DSCAM: variants seen among roughly 807,000 people sequenced by gnomAD.
The protein encoded by DSCAM is DS cell adhesion molecule.
DSCAM carries 47 observed loss-of-function variants against 217.7 expected under a neutral mutation model. That is an observed-to-expected ratio of 0.22 (90% CI 0.17 to 0.28). The LOEUF (loss-of-function observed/expected upper bound fraction) is 0.28, where lower values mean the gene tolerates loss of function less well. Among genes scored for constraint, DSCAM ranks in the 10% least tolerant of loss-of-function variants. The pLI is 1.00. For synonymous variants in DSCAM, 1,056 were observed against 1,015.3 expected, an observed-to-expected ratio of 1.04 and a Z score of -0.76; for missense variants, 2,080 against 2,618.3, an observed-to-expected ratio of 0.79 and a Z score of 4.49.
chr21:40,217,652 T>G (rs1014909539), intron 11 of DSCAM, among the ~76,000 whole-genome samples: 1 of 152,166 alleles, frequency 6.6e-6, no homozygotes, highest in Non-Finnish European at 1.5e-5. Context: ...CTCCACAACC[T>G]CTCCAGCATG....
In DSCAM at chr21:40,611,193, G is replaced by A. The variant is rs1052839380; in HGVS notation, c.508+81617C>T. Reference sequence around the variant, plus strand: ...CCTGCCTCAGCCTCCCGGGTAGCTGGGACTACAGGTGCACGCCTCCACCCA... The same window carrying A: ...CCTGCCTCAGCCTCCCGGGTAGCTGAGACTACAGGTGCACGCCTCCACCCA... On this transcript the variant is annotated intron_variant, in intron 3 of 32. Coordinates refer to ENST00000400454, the MANE Select transcript of DSCAM (RefSeq NM_001389.5). 2.0e-5 allele frequency among the ~76,000 whole-genome samples: 3 copies of A among 151,306 alleles called. 1 individual carries two copies. In the South Asian group the frequency reaches 6.3e-4, roughly 32 times the overall value.
At chr21:40,273,871 C>T (rs2073652597) in intron 11 of DSCAM, among the ~76,000 whole-genome samples, 1 of 152,150 alleles carries the variant, frequency 6.6e-6, no homozygotes, top group South Asian at 2.1e-4. Context: ...AATTCCATCC[C>T]TGAGGGCTCC....
chr21:40,829,119 C>T (rs553266268), intron 1 of DSCAM, among the ~76,000 whole-genome samples: 1 of 152,270 alleles, frequency 6.6e-6, no homozygotes, highest in East Asian at 1.9e-4. Context: ...ATAACTGAAT[C>T]CCCCATCATC....
chr21:40,479,078 G>A (rs899064668), intron 3 of DSCAM, among the ~76,000 whole-genome samples: 2 of 152,166 alleles, frequency 1.3e-5, no homozygotes, highest in African/African-American at 4.8e-5. Flanking sequence ...AAGAACAGAA[G>A]CCCACCTATG....
intron 12 of DSCAM, 33 bp downstream of exon 12, chr21:40,189,009 C>T: frequency 6.2e-7 from 1 of 1,602,190 alleles, no homozygotes; most frequent in Non-Finnish European, 8.5e-7. Flanking sequence ...CAATAAAGTT[C>T]ATTCCATTGT....
At chr21:40,061,350 C>T (rs780881151) in intron 28 of DSCAM, among the ~76,000 whole-genome samples, 3 of 152,110 alleles carry the variant, frequency 2.0e-5, no homozygotes, top group Non-Finnish European at 4.4e-5. Context: ...GGGAGAATTG[C>T]CTCAGGTCAG....
chr21:40,208,553 C>G (rs2074116761), intron 11 of DSCAM, among the ~76,000 whole-genome samples: 1 of 152,196 alleles, frequency 6.6e-6, no homozygotes, highest in African/African-American at 2.4e-5. Context: ...TCATTGTTTT[C>G]CCCAAGGATC....
At chr21:40,747,161 AAAG>A (rs924739503) in intron 1 of DSCAM, among the ~76,000 whole-genome samples, 35 of 151,866 alleles carry the variant, frequency 2.3e-4, no homozygotes, top group African/African-American at 7.5e-4. Flanking sequence ...AGAAATTAGA[AAAG>A]AAGGACAAAC....
intron 3 of DSCAM, among the ~76,000 whole-genome samples, chr21:40,427,427 G>A (rs1186957582): frequency 6.6e-6 from 1 of 152,188 alleles, no homozygotes; most frequent in Non-Finnish European, 1.5e-5. Context: ...TTGTTACCAT[G>A]AACCAGAATT....
At chr21:40,745,041 G>A (rs973541292) in intron 1 of DSCAM, among the ~76,000 whole-genome samples, 2 of 151,994 alleles carry the variant, frequency 1.3e-5, no homozygotes, top group African/African-American at 2.4e-5. Flanking sequence ...AAGCTTATTC[G>A]AAATCTTCAA....
chr21:40,666,321 A>G (rs2090198967), intron 3 of DSCAM, among the ~76,000 whole-genome samples: 1 of 152,060 alleles, frequency 6.6e-6, no homozygotes, highest in Non-Finnish European at 1.5e-5. Flanking sequence ...CCTTAAAACA[A>G]CCCTATGAGC....
chr21:40,107,157 T>C (rs1430369548), intron 20 of DSCAM, among the ~76,000 whole-genome samples: 1 of 152,240 alleles, frequency 6.6e-6, no homozygotes, highest in Non-Finnish European at 1.5e-5. Context: ...TCTCAGAGAT[T>C]CTGGTACATT....
At chr21:40,488,934 A>T (rs1015790683) in intron 3 of DSCAM, among the ~76,000 whole-genome samples, 1 of 152,218 alleles carries the variant, frequency 6.6e-6, no homozygotes, top group Non-Finnish European at 1.5e-5. Flanking sequence ...AAAGAATATT[A>T]TAGGAGATTC....
chr21:40,617,196 T>A lies in DSCAM; in HGVS notation c.508+75614A>T, dbSNP rs2089412314. Among the ~76,000 whole-genome samples, 4 of 137,524 alleles carry A rather than the reference T, an allele frequency of 2.9e-5. No individual in the cohort carries two copies. In the South Asian group the frequency reaches 1.1e-3, roughly 37 times the overall value. The allele number at this position is 137,524 out of a possible 152,430, so 90.2% of individuals were successfully genotyped here. A position where few individuals can be genotyped will look rare whatever the true frequency, so the allele number is the denominator to read the frequency against. On this transcript the variant is annotated intron_variant, in intron 3 of 32. Coordinates refer to ENST00000400454, the MANE Select transcript of DSCAM (RefSeq NM_001389.5). Reference sequence around the variant, plus strand: ...TGGAGTGCAGTGGTGCAATCTCGGCTCACTGCAAGCTCCCCCTCCCAGGTT... The same window carrying A: ...TGGAGTGCAGTGGTGCAATCTCGGCACACTGCAAGCTCCCCCTCCCAGGTT...
chr21:40,688,035 A>G (rs2090500843), intron 3 of DSCAM, among the ~76,000 whole-genome samples: 1 of 152,332 alleles, frequency 6.6e-6, no homozygotes, highest in Admixed American at 6.5e-5. Flanking sequence ...CAGAAAGAAG[A>G]TAATCATCCT....
At chr21:40,264,728 C>G (rs944498082) in intron 11 of DSCAM, among the ~76,000 whole-genome samples, 67 of 152,232 alleles carry the variant, frequency 4.4e-4, no homozygotes, top group African/African-American at 1.6e-3. Context: ...AGAAAGAAAT[C>G]AAGGGCCTCC....
At chr21:40,644,305 A>C (rs2146346512) in intron 3 of DSCAM, among the ~76,000 whole-genome samples, 1 of 152,362 alleles carries the variant, frequency 6.6e-6, no homozygotes, top group South Asian at 2.1e-4. Flanking sequence ...TGGTGAGTCA[A>C]GTGGTTTATC....
intron 10 of DSCAM, among the ~76,000 whole-genome samples, chr21:40,277,613 G>A (rs2073704001): frequency 1.3e-5 from 2 of 151,860 alleles, no homozygotes; most frequent in South Asian, 2.1e-4. Context: ...ACTGCTAGAG[G>A]GGACATACGA....
At position 40,012,903 on chromosome 21, in the gene DSCAM, TTC is replaced by T. The variant is rs746140819; in HGVS notation, c.*129_*130del. On this transcript the variant is annotated 3_prime_UTR_variant, in exon 33 of 33. Transcript: ENST00000400454. Reference sequence around the variant, plus strand: ...TTGCACTGTCTGTGGTTTCAGTATTTTCTCTTTTTTTTTTTTAATATATTTTG... The same window carrying T: ...TTGCACTGTCTGTGGTTTCAGTATTTTCTTTTTTTTTTTTAATATATTTTG... 1.8e-5 allele frequency: 11 copies of T among 611,030 alleles called. No individual in the cohort carries two copies. The highest frequency in any genetic ancestry group is 6.1e-5 in the South Asian group (1 of 16,524). 37.9% of individuals were successfully genotyped at this position (611,030 alleles called of 1,614,324 possible). A position where few individuals can be genotyped will look rare whatever the true frequency, so the allele number is the denominator to read the frequency against.
Sources: gnomAD v4.1 joint callset for allele counts (sites outside exome capture counted in the v4.1 genomes callset) on GRCh38, gnomAD v4.1.1 for gene constraint, MANE v1.5 for transcripts, NCBI Gene and HGNC (gene_info 2026-07-23, HGNC 2026-07-21) for gene names.